The following CALCRL variants were observed in gnomAD, a reference collection of about 807,000 sequenced individuals.
CALCRL encodes calcitonin gene-related peptide type 1 receptor.
Under a neutral mutation model 60.4 loss-of-function variants are expected in CALCRL, and 27 were observed. The ratio of observed to expected loss-of-function variants is 0.45; its 90% CI spans 0.33 to 0.62. CALCRL has a LOEUF of 0.62. CALCRL is among the 20% of genes least tolerant of loss of function. The probability of loss-of-function intolerance (pLI) is 0.03; values close to 1 mark genes in which losing one functional copy is unlikely to be tolerated. For missense variants in CALCRL, 424 were observed against 540.7 expected (o/e 0.78, Z 2.14); for synonymous variants, 190 against 182.6 (o/e 1.04, Z -0.33).
intron 1 of CALCRL, among the ~76,000 whole-genome samples, chr2:187,406,166 ACAAAC>A (rs1194653550): frequency 6.8e-5 from 10 of 146,772 alleles, no homozygotes; most frequent in Admixed American, 6.3e-4. Context: ...CCAACACAAA[ACAAAC>A]CAAACCAAAC....
At chr2:187,386,705 T>TAATATTCATTTAACC (rs1574260164) in intron 3 of CALCRL, among the ~76,000 whole-genome samples, 3 of 136,524 alleles carry the variant, frequency 2.2e-5, no homozygotes, top group East Asian at 4.0e-4. Flanking sequence ...TAGCCATAAC[T>TAATATTCATTTAACC]AAATGATATG....
intron 1 of CALCRL, among the ~76,000 whole-genome samples, chr2:187,445,341 G>A (rs1691124330): frequency 6.6e-6 from 1 of 151,560 alleles, no homozygotes; most frequent in Admixed American, 6.6e-5. Context: ...TATTTGTATT[G>A]TGAAAAGTCG....
chr2:187,415,661 TG>T, intron 1 of CALCRL: 1 of 617,276 alleles, frequency 1.6e-6, no homozygotes, highest in Non-Finnish European at 3.0e-6. Flanking sequence ...AAGGACATTC[TG>T]GGCTACACTG....
intron 1 of CALCRL, among the ~76,000 whole-genome samples, chr2:187,405,782 G>A (rs1205200242): frequency 6.6e-6 from 1 of 152,022 alleles, no homozygotes; most frequent in Non-Finnish European, 1.5e-5. Flanking sequence ...AGAAAAGCTT[G>A]CAGCCAGCAA....
intron 8 of CALCRL, among the ~76,000 whole-genome samples, chr2:187,376,943 T>A (rs1687781921): frequency 6.6e-6 from 1 of 152,134 alleles, no homozygotes. Flanking sequence ...CAAATGTTAA[T>A]TAAAATTTTA....
At chr2:187,364,149 A>C (rs1687177166) in intron 8 of CALCRL, among the ~76,000 whole-genome samples, 1 of 149,978 alleles carries the variant, frequency 6.7e-6, no homozygotes, top group Admixed American at 6.7e-5. Context: ...CTCTTGTATA[A>C]AACAAAAGAG....
At chr2:187,375,418 T>C (rs1687713142) in intron 8 of CALCRL, among the ~76,000 whole-genome samples, 1 of 152,142 alleles carries the variant, frequency 6.6e-6, no homozygotes, top group Admixed American at 6.6e-5. Context: ...CAGTGAAAAC[T>C]TCAAGTGGAA....
intron 14 of CALCRL, among the ~76,000 whole-genome samples, chr2:187,349,621 ATGT>A (rs1232581402): frequency 6.6e-6 from 1 of 151,724 alleles, no homozygotes; most frequent in African/African-American, 2.4e-5. Flanking sequence ...GATATTAGAA[ATGT>A]TGTGAGGAAC....
chr2:187,394,003 A>G (rs1375704707), intron 1 of CALCRL, among the ~76,000 whole-genome samples: 1 of 152,158 alleles, frequency 6.6e-6, no homozygotes, highest in Non-Finnish European at 1.5e-5. Context: ...ATCTTAAAAT[A>G]GAATGATTGA....
At chr2:187,376,295 G>A (rs1687754929) in intron 8 of CALCRL, among the ~76,000 whole-genome samples, 1 of 151,726 alleles carries the variant, frequency 6.6e-6, no homozygotes, top group Admixed American at 6.6e-5. Context: ...TATACCAACT[G>A]TATTCTCAAT....
chr2:187,431,217 G>A (rs78133367), intron 1 of CALCRL: 1 of 154,590 alleles, frequency 6.5e-6, no homozygotes, highest in Non-Finnish European at 1.5e-5. Flanking sequence ...TGTTAACATG[G>A]TCTTATCCTC....
intron 1 of CALCRL, among the ~76,000 whole-genome samples, chr2:187,389,247 A>T (rs57389946): frequency 0.015 from 2,334 of 151,846 alleles, 25 homozygotes; most frequent in African/African-American, 0.02. Flanking sequence ...TAATTTTTGT[A>T]TTTTTAGTAG....
chr2:187,410,625 A>G (rs1689316889), intron 1 of CALCRL, among the ~76,000 whole-genome samples: 1 of 152,212 alleles, frequency 6.6e-6, no homozygotes, highest in Admixed American at 6.5e-5. Flanking sequence ...TAAACCAAGT[A>G]GGATTTCTTT....
chr2:187,387,490 C>G lies in CALCRL; in HGVS notation c.-198G>C, dbSNP rs1370674329. 1.0e-5 allele frequency: 3 copies of G among 300,800 alleles called. No individual in the cohort carries two copies. The highest frequency in any genetic ancestry group is 1.8e-5 in the Non-Finnish European group (3 of 166,854). 18.6% of individuals were successfully genotyped at this position (300,800 alleles called of 1,614,324 possible). A position where few individuals can be genotyped will look rare whatever the true frequency, so the allele number is the denominator to read the frequency against. ...GCTAGTATGGGTTTTTATTATTAGA[C>G]GATCTTGAGAAAAATATAACCAAAA... On this transcript the variant is annotated 5_prime_UTR_variant, in exon 3 of 15. Transcript: ENST00000392370.
intron 1 of CALCRL, among the ~76,000 whole-genome samples, chr2:187,447,078 T>C (rs760431155): frequency 2.6e-5 from 4 of 152,088 alleles, no homozygotes; most frequent in Non-Finnish European, 5.9e-5. Context: ...GACATTAGTT[T>C]CTTAAATTGT....
chr2:187,361,488 A>G lies in CALCRL; in HGVS notation c.628-737T>C, dbSNP rs532776729. On this transcript the variant is annotated intron_variant, in intron 9 of 14. Coordinates refer to ENST00000392370, the MANE Select transcript of CALCRL (RefSeq NM_005795.6). ...ATGACCTGTTACTCCTATTGGCTCC[A>G]GTTTCTAGTCTGAAAATCAATAAAA... Among the ~76,000 whole-genome samples, 3 of 152,120 alleles carry G rather than the reference A, an allele frequency of 2.0e-5. No homozygotes were observed. The South Asian group carries it at 6.2e-4, about 32-fold the overall frequency.
At chr2:187,356,804 A>C (rs899189491) in intron 12 of CALCRL, among the ~76,000 whole-genome samples, 1 of 152,220 alleles carries the variant, frequency 6.6e-6, no homozygotes, top group Non-Finnish European at 1.5e-5. Context: ...ACAAATTTAC[A>C]AGAAATAAAC....
rs1235465954 is a variant in CALCRL, at chr2:187,342,430, T to C, written c.*3754A>G. Among the ~76,000 whole-genome samples, 1 of 151,748 alleles carries C rather than the reference T, an allele frequency of 6.6e-6. No individual in the cohort carries two copies. Among genetic ancestry groups the C allele is most frequent in the Non-Finnish European group, 1.5e-5 (1 of 67,718 alleles). On this transcript the variant is annotated 3_prime_UTR_variant, in exon 15 of 15. Transcript: ENST00000392370. ...TGTCAAGTATATCTCAATGAAGCTG[T>C]TAAAAAGTGCACTATGGTTCTAGAT...
intron 1 of CALCRL, among the ~76,000 whole-genome samples, chr2:187,424,114 T>G (rs751877716): frequency 6.6e-5 from 10 of 152,064 alleles, no homozygotes; most frequent in Non-Finnish European, 1.0e-4. Flanking sequence ...CATCTGGAGA[T>G]AGGTGTCATA....
Sources: gnomAD v4.1 joint callset for allele counts (sites outside exome capture counted in the v4.1 genomes callset) on GRCh38, gnomAD v4.1.1 for gene constraint, MANE v1.5 for transcripts, NCBI Gene and HGNC (gene_info 2026-07-23, HGNC 2026-07-21) for gene names.